TENM2: variants seen among roughly 807,000 people sequenced by gnomAD.
TENM2 encodes the protein teneurin-2.
In TENM2, 52 loss-of-function variants were observed where a neutral mutation model predicts 245.2. That is an observed-to-expected ratio of 0.21 (90% CI 0.17 to 0.27). The LOEUF (loss-of-function observed/expected upper bound fraction) is 0.27. TENM2 is among the 10% of genes least tolerant of loss of function. The probability of loss-of-function intolerance (pLI) is 1.00; values close to 1 mark genes in which losing one functional copy is unlikely to be tolerated. For synonymous variants in TENM2, 1,363 were observed against 1,438.9 expected, an observed-to-expected ratio of 0.95 and a Z score of 1.19; for missense variants, 3,046 against 3,666.8, an observed-to-expected ratio of 0.83 and a Z score of 4.37.
chr5:168,193,426 G>A (rs1232998413), intron 14 of TENM2, among the ~76,000 whole-genome samples: 1 of 152,186 alleles, frequency 6.6e-6, no homozygotes, highest in Non-Finnish European at 1.5e-5. Flanking sequence ...TCTAGATAAT[G>A]CGATAATTGT....
intron 2 of TENM2, among the ~76,000 whole-genome samples, chr5:167,705,936 G>A (rs1758472325): frequency 6.9e-6 from 1 of 145,958 alleles, no homozygotes; most frequent in African/African-American, 2.5e-5. Flanking sequence ...GTTGCAAATG[G>A]CAGGAGTTCC....
At chr5:168,015,174 C>T (rs1459365741) in intron 5 of TENM2, among the ~76,000 whole-genome samples, 5 of 152,166 alleles carry the variant, frequency 3.3e-5, no homozygotes, top group African/African-American at 7.2e-5. Context: ...GGAAATTTTG[C>T]TTTTTGTAGG....
intron 2 of TENM2, among the ~76,000 whole-genome samples, chr5:167,606,605 T>C (rs1561595356): frequency 2.6e-5 from 4 of 152,138 alleles, no homozygotes; most frequent in African/African-American, 7.2e-5. Flanking sequence ...TAGTCCGTAA[T>C]GCTAAGAGGG....
chr5:167,462,279 G>A (rs1766363602), intron 2 of TENM2, among the ~76,000 whole-genome samples: 2 of 147,832 alleles, frequency 1.4e-5, no homozygotes, highest in South Asian at 4.3e-4. Flanking sequence ...CATGCAGACA[G>A]GTAGGTGCAG....
chr5:168,257,192 G>T (rs1458861249), intron 27 of TENM2, among the ~76,000 whole-genome samples: 1 of 151,686 alleles, frequency 6.6e-6, no homozygotes, highest in Non-Finnish European at 1.5e-5. Context: ...AATAAATGTG[G>T]AAATGACACA....
intron 2 of TENM2, among the ~76,000 whole-genome samples, chr5:167,491,823 A>T (rs1768443606): frequency 6.6e-6 from 1 of 152,124 alleles, no homozygotes; most frequent in African/African-American, 2.4e-5. Context: ...CAACTACGTG[A>T]TCTAAAAAAT....
At chr5:168,034,121 GTATA>G (rs200576790) in intron 5 of TENM2, among the ~76,000 whole-genome samples, 14 of 93,612 alleles carry the variant, frequency 1.5e-4, no homozygotes, top group African/African-American at 5.8e-4. Context: ...ATATATATGT[GTATA>G]TATATATATG....
chr5:167,037,964 C>G, the TENM2 span, among the ~76,000 whole-genome samples: 1 of 152,186 alleles, frequency 6.6e-6, no homozygotes, highest in African/African-American at 2.4e-5. Flanking sequence ...GCCTATGCTT[C>G]CGCATTCCAC....
chr5:167,744,662 C>A (rs893021208), intron 2 of TENM2, among the ~76,000 whole-genome samples: 1 of 152,050 alleles, frequency 6.6e-6, no homozygotes, highest in Non-Finnish European at 1.5e-5. Flanking sequence ...TAGCTCTGGC[C>A]GCCCCAGGTG....
intron 7 of TENM2, among the ~76,000 whole-genome samples, chr5:168,080,857 G>A (rs532654835): frequency 2.0e-4 from 31 of 152,178 alleles, no homozygotes; most frequent in Admixed American, 5.9e-4. Context: ...CCAACTATGC[G>A]GTCAATTTTG....
the TENM2 span, among the ~76,000 whole-genome samples, chr5:167,177,234 T>C: frequency 6.6e-6 from 1 of 152,106 alleles, no homozygotes; most frequent in Non-Finnish European, 1.5e-5. Flanking sequence ...TAATGGCTAG[T>C]AGTTATGTAG....
At chr5:167,528,669 T>C (rs991300230) in intron 2 of TENM2, among the ~76,000 whole-genome samples, 10 of 152,262 alleles carry the variant, frequency 6.6e-5, no homozygotes, top group African/African-American at 1.7e-4. Context: ...CAATCCACCA[T>C]ACACTGTACG....
At chr5:167,600,191 A>G (rs1021629140) in intron 2 of TENM2, among the ~76,000 whole-genome samples, 2 of 151,270 alleles carry the variant, frequency 1.3e-5, no homozygotes, top group African/African-American at 2.4e-5. Context: ...CTTTTTCCTT[A>G]TATGTTCTCC....
intron 2 of TENM2, among the ~76,000 whole-genome samples, chr5:167,675,071 A>ATT (rs1756224740): frequency 6.6e-6 from 1 of 152,140 alleles, no homozygotes. Flanking sequence ...AGAAAAAAAG[A>ATT]AACACATCAC....
chr5:168,177,038 T>G (rs1315929088), intron 13 of TENM2, among the ~76,000 whole-genome samples: 1 of 152,216 alleles, frequency 6.6e-6, no homozygotes, highest in Non-Finnish European at 1.5e-5. Flanking sequence ...TATGCAAGCC[T>G]CATAATCCTC....
At chr5:167,408,173 T>A (rs367739601) in intron 2 of TENM2, among the ~76,000 whole-genome samples, 1 of 151,998 alleles carries the variant, frequency 6.6e-6, no homozygotes, top group Middle Eastern at 3.2e-3. Context: ...AGAAACACAA[T>A]AGAGAAAATA....
intron 2 of TENM2, among the ~76,000 whole-genome samples, chr5:167,694,363 C>T (rs1757627814): frequency 6.6e-6 from 1 of 152,146 alleles, no homozygotes; most frequent in Non-Finnish European, 1.5e-5. Context: ...CCAGGTGATT[C>T]TCATCCACAG....
At position 167,426,766 on chromosome 5, in the gene TENM2, C is replaced by T. The variant is rs543950248; in HGVS notation, c.502+51293C>T. The stretch of plus-strand genomic sequence containing the variant: ...TGTGTTTACTTTGAGAGTTTATCAG[C>T]GAATGTTTATCAGGAATTTGGAAGC... On this transcript the variant is annotated intron_variant, in intron 2 of 28. Coordinates refer to ENST00000518659, the Ensembl canonical transcript of TENM2. Among the ~76,000 whole-genome samples the T allele has an allele frequency of 2.6e-4, 39 of 151,906 alleles. 2 individuals are homozygous for T. The South Asian group carries it at 7.5e-3, about 29-fold the overall frequency.
intron 13 of TENM2, among the ~76,000 whole-genome samples, chr5:168,165,359 T>C (rs1290925587): frequency 6.6e-6 from 1 of 152,218 alleles, no homozygotes; most frequent in Non-Finnish European, 1.5e-5. Flanking sequence ...GATCAGCTTC[T>C]ACTTCCAGAA....
Sources: gnomAD v4.1 joint callset for allele counts (sites outside exome capture counted in the v4.1 genomes callset) on GRCh38, gnomAD v4.1.1 for gene constraint, MANE v1.5 for transcripts, NCBI Gene and HGNC (gene_info 2026-07-23, HGNC 2026-07-21) for gene names.